Variants in TMTC2 observed in about 807,000 individuals in gnomAD.
TMTC2 encodes protein O-mannosyl-transferase TMTC2.
Under a neutral mutation model 82.4 loss-of-function variants are expected in TMTC2, and 43 were observed. The observed-to-expected ratio is 0.52, with a 90% confidence interval of 0.41 to 0.67. The LOEUF (loss-of-function observed/expected upper bound fraction) is 0.67, where lower values mean the gene tolerates loss of function less well. Ranked by LOEUF, TMTC2 falls within the 30% of genes least tolerant of loss-of-function variation. TMTC2 has a pLI of 0.00. For missense variants in TMTC2, 919 were observed against 1,012.4 expected (o/e 0.91, Z 1.25); for synonymous variants, 408 against 381.9 (o/e 1.07, Z -0.80).
At chr12:83,067,462 AT>A (rs1246699480) in intron 11 of TMTC2, among the ~76,000 whole-genome samples, 1 of 152,180 alleles carries the variant, frequency 6.6e-6, no homozygotes, top group Admixed American at 6.5e-5. Flanking sequence ...TGCAAAGGAA[AT>A]ATCAGAGATA....
intron 9 of TMTC2, among the ~76,000 whole-genome samples, chr12:83,044,019 G>C (rs1241462742): frequency 6.6e-6 from 1 of 152,184 alleles, no homozygotes; most frequent in African/African-American, 2.4e-5. Flanking sequence ...GAGCCACCAT[G>C]TTGCTCAAAT....
At chr12:83,022,099 A>T (rs1226756904) in intron 8 of TMTC2, 1 of 95,566 alleles carries the variant, frequency 1.0e-5, no homozygotes. Flanking sequence ...CACTACCAAA[A>T]AAAAAAGAAG....
intron 2 of TMTC2, among the ~76,000 whole-genome samples, chr12:82,893,683 A>AC (rs1487805325): frequency 2.6e-5 from 4 of 151,670 alleles, no homozygotes; most frequent in Non-Finnish European, 5.9e-5. Context: ...ACTCAGAATT[A>AC]CCCCCTTTTA....
intron 1 of TMTC2, among the ~76,000 whole-genome samples, chr12:82,700,319 T>G (rs1873015213): frequency 6.6e-6 from 1 of 152,230 alleles, no homozygotes; most frequent in South Asian, 2.1e-4. Context: ...TTACTAAATA[T>G]TTCTTTTAAA....
At chr12:82,735,627 GA>G (rs1238436787) in intron 1 of TMTC2, among the ~76,000 whole-genome samples, 1 of 150,748 alleles carries the variant, frequency 6.6e-6, no homozygotes, top group East Asian at 2.0e-4. Flanking sequence ...TTACAGGCGT[GA>G]GCCACCGCAC....
chr12:83,074,463 G>T (rs926793673), intron 11 of TMTC2, among the ~76,000 whole-genome samples: 5 of 152,068 alleles, frequency 3.3e-5, no homozygotes, highest in African/African-American at 1.2e-4. Context: ...CCATCAAGTG[G>T]GGGCAGGGCT....
intron 11 of TMTC2, among the ~76,000 whole-genome samples, chr12:83,112,723 T>TA (rs1050104048): frequency 3.3e-5 from 5 of 152,216 alleles, no homozygotes; most frequent in African/African-American, 1.2e-4. Flanking sequence ...CTTGTACTTC[T>TA]AGAGAAGTGG....
At chr12:83,039,410 A>G (rs995069343) in intron 9 of TMTC2, among the ~76,000 whole-genome samples, 1 of 152,092 alleles carries the variant, frequency 6.6e-6, no homozygotes, top group African/African-American at 2.4e-5. Flanking sequence ...TAATATTTCC[A>G]TTATGAAATA....
intron 3 of TMTC2, among the ~76,000 whole-genome samples, chr12:82,919,665 G>C (rs953384619): frequency 1.3e-5 from 2 of 152,146 alleles, no homozygotes; most frequent in Admixed American, 1.3e-4. Flanking sequence ...AGGCATTCTC[G>C]TTCTAAAAGG....
Position 82,887,909 on chromosome 12 carries a change from G to A in TMTC2, c.655-7909G>A, listed in dbSNP as rs1040916639. On this transcript the variant is annotated intron_variant, in intron 2 of 11. Coordinates refer to ENST00000321196, the MANE Select transcript of TMTC2 (RefSeq NM_152588.3). ...AGCCTGACCAACATGGAGAAACTCC[G>A]TCTCTACTAAAAATACAAAATTAGC... 4.2e-4 allele frequency among the ~76,000 whole-genome samples: 64 copies of A among 151,974 alleles called. 1 individual carries two copies. The highest frequency in any genetic ancestry group is 1.4e-3 in the African/African-American group (59 of 41,490).
intron 8 of TMTC2, among the ~76,000 whole-genome samples, chr12:83,021,725 T>C (rs1384931009): frequency 1.3e-5 from 2 of 152,204 alleles, no homozygotes; most frequent in Non-Finnish European, 2.9e-5. Context: ...CTTCCACTGC[T>C]GTCACTTTTG....
At position 82,780,808 on chromosome 12, in the gene TMTC2, G is replaced by T. The variant is rs867570574; in HGVS notation, c.84-76202G>T. 3.0e-4 allele frequency among the ~76,000 whole-genome samples: 44 copies of T among 145,470 alleles called. 1 individual carries two copies. Among genetic ancestry groups the T allele is most frequent in the African/African-American group, 6.8e-4 (27 of 39,852 alleles). On this transcript the variant is annotated intron_variant, in intron 1 of 11. Transcript: ENST00000321196. ...AATTTCTCAACATGTAAGAAGTTTTGTTTTTTTTTTTAATTTGGCTTAATG... is the reference window on the plus strand; with the variant it reads ...AATTTCTCAACATGTAAGAAGTTTTTTTTTTTTTTTTAATTTGGCTTAATG...
chr12:83,133,363 G>A lies in TMTC2; in HGVS notation c.*974G>A, dbSNP rs1279144933. 6.6e-6 allele frequency: 1 copy of A among 152,208 alleles called. No homozygotes were observed. Among genetic ancestry groups the A allele is most frequent in the African/African-American group, 2.4e-5 (1 of 41,456 alleles). 9.4% of individuals were successfully genotyped at this position (152,208 alleles called of 1,614,324 possible). ...TCTCAGATGTTGCTGGTTTAGGAGT[G>A]TGTGATGATGCTTGCCAGTGATTTT... is the stretch of plus-strand genomic sequence containing the variant. On this transcript the variant is annotated 3_prime_UTR_variant, in exon 12 of 12. Transcript: ENST00000321196.
chr12:82,727,415 A>G (rs1035496630), intron 1 of TMTC2, among the ~76,000 whole-genome samples: 1 of 151,966 alleles, frequency 6.6e-6, no homozygotes, highest in African/African-American at 2.4e-5. Context: ...AAAGGTTGGG[A>G]TCATTCCCAA....
chr12:82,823,746 G>A (rs560161342), intron 1 of TMTC2, among the ~76,000 whole-genome samples: 52 of 152,216 alleles, frequency 3.4e-4, no homozygotes, highest in Non-Finnish European at 6.5e-4. Context: ...GAAAGGGAAT[G>A]GATAGATATT....
chr12:82,932,157 TA>T (rs1876071825), intron 4 of TMTC2, among the ~76,000 whole-genome samples: 1 of 152,114 alleles, frequency 6.6e-6, no homozygotes, highest in Non-Finnish European at 1.5e-5. Context: ...AAAAAATAAC[TA>T]AAAATAAACA....
intron 10 of TMTC2, among the ~76,000 whole-genome samples, chr12:83,052,224 TAGA>T (rs1020445982): frequency 6.6e-5 from 10 of 152,180 alleles, no homozygotes; most frequent in African/African-American, 2.2e-4. Context: ...TTGAAAAAAG[TAGA>T]AGGACTATTT....
At chr12:82,935,663 A>G (rs892395085) in intron 4 of TMTC2, among the ~76,000 whole-genome samples, 1 of 152,152 alleles carries the variant, frequency 6.6e-6, no homozygotes, top group African/African-American at 2.4e-5. Context: ...AATGATATTT[A>G]AAAAGGTAAT....
At chr12:82,737,436 T>C (rs1875182917) in intron 1 of TMTC2, among the ~76,000 whole-genome samples, 1 of 152,208 alleles carries the variant, frequency 6.6e-6, no homozygotes, top group South Asian at 2.1e-4. Context: ...AGCATCTGTC[T>C]TGTGAGACTC....
Sources: gnomAD v4.1 joint callset for allele counts (sites outside exome capture counted in the v4.1 genomes callset) on GRCh38, gnomAD v4.1.1 for gene constraint, MANE v1.5 for transcripts, NCBI Gene and HGNC (gene_info 2026-07-23, HGNC 2026-07-21) for gene names.